Variants in INPP4B observed in about 807,000 individuals in gnomAD.
The protein encoded by INPP4B is inositol polyphosphate 4-phosphatase type II.
Under a neutral mutation model 122.5 loss-of-function variants are expected in INPP4B, and 55 were observed. The observed-to-expected ratio is 0.45, with a 90% CI of 0.36 to 0.56. The LOEUF (loss-of-function observed/expected upper bound fraction) is 0.56, where lower values mean the gene tolerates loss of function less well. Ranked by LOEUF, INPP4B falls within the 20% of genes least tolerant of loss-of-function variation. The pLI, the probability that INPP4B is intolerant of heterozygous loss-of-function variation, is 0.00. For synonymous variants in INPP4B, 403 were observed against 388.7 expected (o/e 1.04, Z -0.43); for missense variants, 1,000 against 1,097.7 (o/e 0.91, Z 1.26).
intron 1 of INPP4B, among the ~76,000 whole-genome samples, chr4:142,740,240 C>T (rs1434750233): frequency 6.6e-6 from 1 of 151,916 alleles, no homozygotes; most frequent in South Asian, 2.1e-4. Flanking sequence ...AAAAAATAAA[C>T]AATCTAAGCA....
intron 2 of INPP4B, among the ~76,000 whole-genome samples, chr4:142,651,043 A>G (rs947964947): frequency 6.6e-6 from 1 of 152,232 alleles, no homozygotes; most frequent in Non-Finnish European, 1.5e-5. Context: ...AGTGCAATCA[A>G]ATTAGAACTC....
intron 2 of INPP4B, among the ~76,000 whole-genome samples, chr4:142,511,991 A>C (rs1324024950): frequency 3.9e-5 from 6 of 152,314 alleles, no homozygotes. Flanking sequence ...AAGTTGGGGC[A>C]ATTTGATCTG....
chr4:142,430,696 C>G (rs1580041642), intron 4 of INPP4B, among the ~76,000 whole-genome samples: 1 of 152,046 alleles, frequency 6.6e-6, no homozygotes, highest in Non-Finnish European at 1.5e-5. Flanking sequence ...TGGCCTAGTG[C>G]TCTCTGGTAT....
chr4:142,467,020 T>C (rs1817915988), intron 2 of INPP4B, among the ~76,000 whole-genome samples: 1 of 151,940 alleles, frequency 6.6e-6, no homozygotes, highest in Non-Finnish European at 1.5e-5. Context: ...TTTTAGAGGA[T>C]GTATAGGAAA....
chr4:142,459,043 G>A lies in INPP4B; in HGVS notation c.-127+3620C>T, dbSNP rs569601407. On this transcript the variant is annotated intron_variant, in intron 3 of 25. Transcript: ENST00000262992. ...GACTCAGACAACTCATATGGCTGCA[G>A]CCTGGTGATCACAGCCTAAATTCAT... Among the ~76,000 whole-genome samples the A allele has an allele frequency of 1.1e-3, 170 of 152,304 alleles. 1 individual carries two copies. Among genetic ancestry groups the A allele is most frequent in the Non-Finnish European group, 6.5e-4 (44 of 68,020 alleles).
intron 12 of INPP4B, 134 bp downstream of exon 12, chr4:142,237,730 A>G: frequency 2.0e-6 from 1 of 488,814 alleles, no homozygotes; most frequent in Non-Finnish European, 3.6e-6. Flanking sequence ...GCAAATGTTA[A>G]CTGGCTCGGT....
chr4:142,527,648 A>G (rs750102794), intron 2 of INPP4B, among the ~76,000 whole-genome samples: 12 of 152,060 alleles, frequency 7.9e-5, no homozygotes, highest in Non-Finnish European at 1.6e-4. Flanking sequence ...TAATTTTACT[A>G]TGTTGTAACA....
At chr4:142,472,543 G>A (rs547045825) in intron 2 of INPP4B, among the ~76,000 whole-genome samples, 1 of 152,180 alleles carries the variant, frequency 6.6e-6, no homozygotes, top group South Asian at 2.1e-4. Flanking sequence ...TTCCCCAAAT[G>A]TATCTCCAAT....
intron 2 of INPP4B, among the ~76,000 whole-genome samples, chr4:142,609,558 A>G (rs962076182): frequency 1.3e-5 from 2 of 152,186 alleles, no homozygotes. Flanking sequence ...CTTTACTGAT[A>G]GGTCCCTGAA....
chr4:142,116,686 A>C (rs12639936), intron 21 of INPP4B, among the ~76,000 whole-genome samples: 19,084 of 152,122 alleles, frequency 0.13, 1,367 homozygotes, highest in East Asian at 0.24. Context: ...ATGTATAGCA[A>C]CAAATGCCCA....
chr4:142,657,774 A>C lies in INPP4B; in HGVS notation c.-191+68065T>G, dbSNP rs188791425. The stretch of plus-strand genomic sequence containing the variant: ...GCTGCTTTAAAATTTCTGAGTCATC[A>C]TTTTGGAAAAATAAATGACATGGTA... On this transcript the variant is annotated intron_variant, in intron 2 of 25. Transcript: ENST00000262992. Among the ~76,000 whole-genome samples the C allele has an allele frequency of 2.6e-5, 4 of 152,340 alleles. No individual in the cohort carries two copies. The East Asian group carries it at 5.8e-4, about 22-fold the overall frequency.
intron 8 of INPP4B, among the ~76,000 whole-genome samples, chr4:142,306,229 G>GT (rs5862582): frequency 0.011 from 1,515 of 135,898 alleles, 15 homozygotes; most frequent in Non-Finnish European, 0.018. Flanking sequence ...ACTCCAAATT[G>GT]TTTTTTTTTT....
chr4:142,057,047 G>C (rs1040432940), intron 25 of INPP4B, among the ~76,000 whole-genome samples: 2 of 152,046 alleles, frequency 1.3e-5, no homozygotes, highest in Non-Finnish European at 2.9e-5. Context: ...AAGGAGACAA[G>C]TTTTCTTTTA....
At chr4:142,662,000 A>C (rs1183878456) in intron 2 of INPP4B, among the ~76,000 whole-genome samples, 1 of 152,058 alleles carries the variant, frequency 6.6e-6, no homozygotes, top group African/African-American at 2.4e-5. Flanking sequence ...TTGGGAGGCC[A>C]AGGCAGGCAG....
intron 2 of INPP4B, among the ~76,000 whole-genome samples, chr4:142,688,362 AT>A (rs945448294): frequency 2.6e-5 from 4 of 151,882 alleles, no homozygotes; most frequent in African/African-American, 7.3e-5. Flanking sequence ...ACCATGAGTG[AT>A]TTTTTTTGCC....
intron 2 of INPP4B, among the ~76,000 whole-genome samples, chr4:142,557,915 C>A (rs1241465412): frequency 6.6e-6 from 1 of 152,174 alleles, no homozygotes; most frequent in Non-Finnish European, 1.5e-5. Context: ...CCCCTGAGGG[C>A]CATAAGGCTG....
Position 142,328,401 on chromosome 4 carries a change from T to G in INPP4B, c.373-13639A>C, listed in dbSNP as rs531751409. 3.3e-5 allele frequency among the ~76,000 whole-genome samples: 5 copies of G among 152,322 alleles called. No individual in the cohort carries two copies. The South Asian group carries it at 1.0e-3, about 32-fold the overall frequency. Reference sequence around the variant, plus strand: ...AGTCAGCCATTATTCTCAAGTGTGATCCAATCAGATCTGCAAGGTCAAAAC... The same window carrying G: ...AGTCAGCCATTATTCTCAAGTGTGAGCCAATCAGATCTGCAAGGTCAAAAC... On this transcript the variant is annotated intron_variant, in intron 7 of 25. Transcript: ENST00000262992.
chr4:142,803,756 C>T (rs1487320605), intron 1 of INPP4B, among the ~76,000 whole-genome samples: 4 of 151,826 alleles, frequency 2.6e-5, no homozygotes, highest in Non-Finnish European at 5.9e-5. Context: ...AAAACACAAA[C>T]CATCCAGACC....
At chr4:142,374,668 A>G (rs533617246) in intron 7 of INPP4B, among the ~76,000 whole-genome samples, 5 of 152,040 alleles carry the variant, frequency 3.3e-5, no homozygotes, top group African/African-American at 9.6e-5. Flanking sequence ...ACTAGACAAC[A>G]CTAATTTCTT....
Sources: gnomAD v4.1 joint callset for allele counts (sites outside exome capture counted in the v4.1 genomes callset) on GRCh38, gnomAD v4.1.1 for gene constraint, MANE v1.5 for transcripts, NCBI Gene and HGNC (gene_info 2026-07-23, HGNC 2026-07-21) for gene names.